The following EHBP1L1 variants were observed in gnomAD, a reference collection of about 807,000 sequenced individuals.
The protein encoded by EHBP1L1 is EH domain-binding protein 1-like protein 1.
EHBP1L1 carries 122 observed loss-of-function variants against 151.1 expected under a neutral mutation model. That is an observed-to-expected ratio of 0.81 (90% confidence interval 0.70 to 0.94). The LOEUF (loss-of-function observed/expected upper bound fraction) is 0.94, where lower values mean the gene tolerates loss of function less well. Ranked by LOEUF, EHBP1L1 falls within the 40% of genes least tolerant of loss-of-function variation. The pLI is 0.00. For synonymous variants in EHBP1L1, 878 were observed against 810.1 expected, an observed-to-expected ratio of 1.08 and a Z score of -1.42; for missense variants, 1,941 against 1,959.8, an observed-to-expected ratio of 0.99 and a Z score of 0.18.
intron 3 of EHBP1L1, 21 bp downstream of exon 3, chr11:65,579,457 C>G (rs748667524): frequency 6.9e-7 from 1 of 1,443,542 alleles, no homozygotes; most frequent in South Asian, 1.5e-5. Flanking sequence ...AGCCCTCCAG[C>G]ATGGATGGCA....
At chr11:65,577,514 C>G (rs1377832493) in intron 1 of EHBP1L1, among the ~76,000 whole-genome samples, 1 of 152,196 alleles carries the variant, frequency 6.6e-6, no homozygotes, top group African/African-American at 2.4e-5. Context: ...GCTGAGGGTG[C>G]CGGCAGTGTC....
At chr11:65,591,632 TA>T (rs769408315) in intron 16 of EHBP1L1, 167 bp from the exon 17 acceptor site, 2 of 655,236 alleles carry the variant, frequency 3.1e-6, no homozygotes, top group African/African-American at 1.8e-5. Context: ...AGAAAAGCGA[TA>T]ATGTGGTCTG....
In EHBP1L1 at chr11:65,581,250, C is replaced by T. The variant is rs1319324201; in HGVS notation, c.743C>T (p.Pro248Leu). 3 of 1,611,432 alleles carry T rather than the reference C, an allele frequency of 1.9e-6. No homozygotes were observed. The highest frequency in any genetic ancestry group is 1.3e-5 in the African/African-American group (1 of 74,798). Reference protein sequence around the residue: ...PSNAEDTSPAPVSAPAPPART... With the variant: ...PSNAEDTSPALVSAPAPPART... Reference sequence around the variant, plus strand: ...AATGCTGAGGATACCAGCCCAGCCCCTGTGAGTGCTCCTGCACCCCCAGCC... The same window carrying T: ...AATGCTGAGGATACCAGCCCAGCCCTTGTGAGTGCTCCTGCACCCCCAGCC... The change falls in exon 8 of 19, where the codon CCT (proline) becomes CTT (leucine). Residue 248 changes from proline to leucine, a missense_variant. By Grantham distance (98) the Pro-to-Leu change is moderately conservative. Transcript: ENST00000309295.
chr11:65,583,426 A>G lies in EHBP1L1; in HGVS notation c.2754A>G (p.Lys918=). 1.2e-6 allele frequency: 2 copies of G among 1,613,536 alleles called. No homozygotes were observed. Among genetic ancestry groups the G allele is most frequent in the Non-Finnish European group, 1.7e-6 (2 of 1,179,734 alleles). ...QPRVLGSQEA[K]AEISGVQGSE... The stretch of plus-strand genomic sequence containing the variant: ...GAGTTTTAGGATCCCAGGAAGCAAA[A>G]GCAGAGATTTCAGGAGTACAAGGGT... Residue 918 remains lysine, a synonymous_variant, in exon 9 of 19, where the codon AAA becomes AAG. Coordinates refer to ENST00000309295, the MANE Select transcript of EHBP1L1 (RefSeq NM_001099409.3).
chr11:65,584,178 C>G, intron 9 of EHBP1L1, 63 bp from the exon 10 acceptor site: 1 of 1,564,738 alleles, frequency 6.4e-7, no homozygotes, highest in Non-Finnish European at 8.6e-7. Context: ...CATGAGCTTC[C>G]CCAAGAGGCA....
chr11:65,580,154 T>TC lies in EHBP1L1; in HGVS notation c.388dup (p.Gln130ProfsTer19), dbSNP rs778662671. 26 of 1,613,660 alleles carry TC rather than the reference T, an allele frequency of 1.6e-5. No individual in the cohort carries two copies. The highest frequency in any genetic ancestry group is 2.2e-5 in the Non-Finnish European group (26 of 1,179,844). On this transcript the variant is annotated frameshift_variant, in exon 5 of 19. Transcript: ENST00000309295. LOFTEE classifies it high-confidence loss of function. ...GCCCGCCATGCAGGGCCCGTGCCTG[T>TC]CCAAGTCCCAGTGAGGCTGCGGCTG... is the stretch of plus-strand genomic sequence containing the variant.
chr11:65,590,462 C>G, intron 15 of EHBP1L1, 31 bp from the exon 16 acceptor site: 1 of 1,606,650 alleles, frequency 6.2e-7, no homozygotes, highest in East Asian at 2.2e-5. Context: ...GGGCAGGGGG[C>G]AGGCCTGGTG....
At position 65,581,672 on chromosome 11, in the gene EHBP1L1, G is replaced by A; in HGVS notation, c.1000G>A (p.Gly334Arg). Residue 334 changes from glycine (G) to arginine (R), a missense_variant, in exon 9 of 19, where the codon GGA becomes AGA. Transcript: ENST00000309295. ...VPKASGAPPA[G>R]LGSARETQAQ... ...CAAAGCCTCAGGGGCTCCTCCAGCA[G>A]GATTGGGCTCTGCTAGGGAGACCCA... 1 of 1,568,546 alleles carries A rather than the reference G, an allele frequency of 6.4e-7. No homozygotes were observed. Among genetic ancestry groups the A allele is most frequent in the Non-Finnish European group, 8.6e-7 (1 of 1,157,184 alleles).
At chr11:65,584,626 C>T (rs1361513870) in intron 11 of EHBP1L1, 92 bp downstream of exon 11, 36 of 1,502,722 alleles carry the variant, frequency 2.4e-5, no homozygotes, top group Non-Finnish European at 3.0e-5. Context: ...CTGCCGGGCC[C>T]AGCAGTGGCT....
At chr11:65,590,451 G>A (rs762078928) in intron 15 of EHBP1L1, 42 bp from the exon 16 acceptor site, 11 of 1,598,172 alleles carry the variant, frequency 6.9e-6, no homozygotes, top group African/African-American at 2.7e-5. Context: ...ACCCTGACAC[G>A]GGGCAGGGGG....
rs747043751 is a variant in EHBP1L1 at position 65,583,040 on chromosome 11, G to A, written c.2368G>A (p.Glu790Lys). 2 of 1,613,086 alleles carry A rather than the reference G, an allele frequency of 1.2e-6. No homozygotes were observed. The highest frequency in any genetic ancestry group is 1.7e-5 in the Admixed American group (1 of 59,954). Residue 790 changes from glutamate to lysine, a missense_variant, in exon 9 of 19, where the codon GAA becomes AAA. Coordinates refer to ENST00000309295, the MANE Select transcript of EHBP1L1 (RefSeq NM_001099409.3). ...ASRDSGVPGLEADTTGIQVKE... is the reference protein window; with the variant it reads ...ASRDSGVPGLKADTTGIQVKE... The stretch of plus-strand genomic sequence containing the variant: ...TAGGGATTCAGGGGTCCCAGGGTTA[G>A]AAGCTGATACAACAGGGATCCAGGT...
chr11:65,580,447 CCCCGGAGG>C lies in EHBP1L1; in HGVS notation c.608_615del (p.Glu203GlyfsTer17). ...GAAGATGAGGCTCATGGCCCAGGAG[CCCCGGAGG>C]CCCGGGCTCGAGTCCCCCAGCCAGG... On this transcript the variant is annotated frameshift_variant, in exon 6 of 19. Transcript: ENST00000309295. LOFTEE classifies it high-confidence loss of function. 1.9e-6 allele frequency: 3 copies of C among 1,613,252 alleles called. No homozygotes were observed. Among genetic ancestry groups the C allele is most frequent in the Non-Finnish European group, 1.7e-6 (2 of 1,179,828 alleles).
intron 11 of EHBP1L1, 136 bp downstream of exon 11, chr11:65,584,670 C>A: frequency 8.3e-7 from 1 of 1,203,542 alleles, no homozygotes; most frequent in South Asian, 1.4e-5. Context: ...CCCCTTTGGT[C>A]ATTAAATTGT....
chr11:65,586,067 T>C (rs1857954465), intron 12 of EHBP1L1, among the ~76,000 whole-genome samples: 1 of 152,190 alleles, frequency 6.6e-6, no homozygotes. Context: ...GCAGACTATC[T>C]GTACTCAAGG....
chr11:65,581,949 C>G lies in EHBP1L1; in HGVS notation c.1277C>G (p.Ala426Gly). Residue 426 changes from alanine (A) to glycine (G), a missense_variant, in exon 9 of 19, where the codon GCT becomes GGT. Ala to Gly is a moderately conservative substitution (Grantham distance 60, BLOSUM62 0). Coordinates refer to ENST00000309295, the MANE Select transcript of EHBP1L1 (RefSeq NM_001099409.3). ...AGTTCAGCAGTTTGTCAAGTGGATG[C>G]TGAGCAGAGGTCAAAGGTGAGACAT... ...EESSAVCQVD[A>G]EQRSKVRHVD... 6.2e-7 allele frequency: 1 copy of G among 1,613,804 alleles called. No individual in the cohort carries two copies. The highest frequency in any genetic ancestry group is 8.5e-7 in the Non-Finnish European group (1 of 1,179,834).
chr11:65,589,970 C>A lies in EHBP1L1; in HGVS notation c.4038C>A (p.Ser1346Arg). 1 of 1,589,844 alleles carries A rather than the reference C, an allele frequency of 6.3e-7. No individual in the cohort carries two copies. Among genetic ancestry groups the A allele is most frequent in the Admixed American group, 1.7e-5 (1 of 58,054 alleles). Reference protein sequence around the residue: ...GSSPSEEPPPSPGEEAGLQRF... With the variant: ...GSSPSEEPPPRPGEEAGLQRF... ...CCCCCTCGGAGGAACCACCCCCAAG[C>A]CCAGGGGAGGAGGCTGGGCTGGTAA... Residue 1346 changes from serine to arginine, a missense_variant, in exon 14 of 19, where the codon AGC (serine) becomes AGA (arginine). Transcript: ENST00000309295.
intron 12 of EHBP1L1, among the ~76,000 whole-genome samples, chr11:65,588,915 G>A (rs1160352171): frequency 6.6e-6 from 1 of 152,052 alleles, no homozygotes; most frequent in Non-Finnish European, 1.5e-5. Context: ...TGGCTCAGGA[G>A]GGTCCAGGTC....
intron 16 of EHBP1L1, 64 bp from the exon 17 acceptor site, chr11:65,591,736 C>T (rs1381669764): frequency 7.4e-7 from 1 of 1,347,734 alleles, no homozygotes; most frequent in African/African-American, 1.5e-5. Context: ...CCTGGGCACT[C>T]TCTCCCTACG....
rs763907537 is a variant in EHBP1L1 at position 65,592,259 on chromosome 11, T to A, written c.4529T>A (p.Leu1510Gln). The A allele has an allele frequency of 6.5e-7, 1 of 1,532,704 alleles. No homozygotes were observed. Among genetic ancestry groups the A allele is most frequent in the East Asian group, 2.5e-5 (1 of 40,806 alleles). 94.9% of individuals were successfully genotyped at this position (1,532,704 alleles called of 1,614,324 possible). ...GGCCTGGAACAGCGGCGCCGCAAGCTGAGCCGGCAGTTGAGCCGGCGGGAG... is the reference window on the plus strand; with the variant it reads ...GGCCTGGAACAGCGGCGCCGCAAGCAGAGCCGGCAGTTGAGCCGGCGGGAG... Reference protein sequence around the residue: ...ERGLEQRRRKLSRQLSRRERC... With the variant: ...ERGLEQRRRKQSRQLSRRERC... Residue 1510 changes from leucine (L) to glutamine (Q), a missense_variant, in exon 19 of 19, where the codon CTG becomes CAG. By Grantham distance (113) the Leu-to-Gln change is moderately radical. Coordinates refer to ENST00000309295, the MANE Select transcript of EHBP1L1 (RefSeq NM_001099409.3).
Sources: gnomAD v4.1 joint callset for allele counts (sites outside exome capture counted in the v4.1 genomes callset) on GRCh38, gnomAD v4.1.1 for gene constraint, MANE v1.5 for transcripts, NCBI Gene and HGNC (gene_info 2026-07-23, HGNC 2026-07-21) for gene names.